The following EXOC4 variants were observed in gnomAD, a reference collection of about 807,000 sequenced individuals.
EXOC4 encodes SEC8-like 1.
A neutral mutation model predicts 107.2 loss-of-function variants in EXOC4; 71 were observed. The ratio of observed to expected loss-of-function variants is 0.66; its 90% confidence interval spans 0.55 to 0.81. The LOEUF (loss-of-function observed/expected upper bound fraction) is 0.81. Among genes scored for constraint, EXOC4 ranks in the 30% least tolerant of loss-of-function variants. The probability of loss-of-function intolerance (pLI) is 0.00; values close to 1 mark genes in which losing one functional copy is unlikely to be tolerated. For missense variants in EXOC4, 1,108 were observed against 1,189.6 expected, an observed-to-expected ratio of 0.93 and a Z score of 1.01; for synonymous variants, 456 against 441.2, an observed-to-expected ratio of 1.03 and a Z score of -0.42.
intron 8 of EXOC4, among the ~76,000 whole-genome samples, chr7:133,478,039 G>C (rs1450991408): frequency 2.0e-5 from 3 of 152,076 alleles, no homozygotes; most frequent in African/African-American, 7.2e-5. Flanking sequence ...GGCTATGCCA[G>C]CAAGCACAAA....
chr7:133,409,749 A>G (rs1797314585), intron 7 of EXOC4, among the ~76,000 whole-genome samples: 1 of 152,122 alleles, frequency 6.6e-6, no homozygotes, highest in South Asian at 2.1e-4. Context: ...GAAGAATGCT[A>G]CTATTGGCCA....
chr7:133,616,698 A>G (rs1035740616), intron 9 of EXOC4, among the ~76,000 whole-genome samples: 1 of 152,148 alleles, frequency 6.6e-6, no homozygotes, highest in African/African-American at 2.4e-5. Context: ...TGTCAGCTGC[A>G]AATGATACCA....
chr7:133,682,196 G>A (rs542732879), intron 10 of EXOC4, among the ~76,000 whole-genome samples: 1 of 152,106 alleles, frequency 6.6e-6, no homozygotes, highest in South Asian at 2.1e-4. Context: ...CCATGCCCAG[G>A]CAGCTATTAT....
At chr7:133,852,225 A>ATTT (rs5887646) in intron 11 of EXOC4, among the ~76,000 whole-genome samples, 26 of 141,796 alleles carry the variant, frequency 1.8e-4, no homozygotes, top group Non-Finnish European at 2.9e-4. Context: ...TGTATAGAGC[A>ATTT]TTTTTTTTTT....
At chr7:133,591,559 TGTGTGTGTGC>T (rs58487189) in intron 9 of EXOC4, among the ~76,000 whole-genome samples, 121,441 of 149,266 alleles carry the variant, frequency 0.81, 49,403 homozygotes, top group Admixed American at 0.86. Context: ...TGTGTGTGTG[TGTGTGTGTGC>T]GTGTGTGTGT....
At chr7:133,951,291 C>T (rs1198373993) in intron 14 of EXOC4, among the ~76,000 whole-genome samples, 1 of 152,204 alleles carries the variant, frequency 6.6e-6, no homozygotes, top group African/African-American at 2.4e-5. Flanking sequence ...TGGGCTTGTC[C>T]TTGGACAAGG....
At chr7:133,810,233 G>A (rs1199179474) in intron 10 of EXOC4, among the ~76,000 whole-genome samples, 1 of 152,184 alleles carries the variant, frequency 6.6e-6, no homozygotes, top group Non-Finnish European at 1.5e-5. Flanking sequence ...TTTCCAGCTG[G>A]TAGCAGCCAC....
At chr7:133,475,229 T>G in intron 7 of EXOC4, 99 bp from the exon 8 acceptor site, 1 of 1,036,724 alleles carries the variant, frequency 9.6e-7, no homozygotes, top group Non-Finnish European at 1.4e-6. Flanking sequence ...TCCTGAATGT[T>G]GGTTTTAGAA....
intron 12 of EXOC4, among the ~76,000 whole-genome samples, chr7:133,913,531 A>T (rs1799741374): frequency 6.6e-6 from 1 of 152,172 alleles, no homozygotes; most frequent in South Asian, 2.1e-4. Context: ...GATATTAAGG[A>T]GATAGAATTG....
intron 1 of EXOC4, among the ~76,000 whole-genome samples, chr7:133,263,669 T>TAATTAAAA (rs1793638087): frequency 6.6e-6 from 1 of 152,160 alleles, no homozygotes; most frequent in African/African-American, 2.4e-5. Flanking sequence ...TGAGCCACCG[T>TAATTAAAA]GCCTGGCCTA....
intron 6 of EXOC4, among the ~76,000 whole-genome samples, chr7:133,357,398 T>G (rs534023008): frequency 6.6e-6 from 1 of 152,224 alleles, no homozygotes; most frequent in Non-Finnish European, 1.5e-5. Flanking sequence ...GTCTTTCCTG[T>G]GTCTCATGCT....
At chr7:133,339,637 T>G (rs1259166582) in intron 5 of EXOC4, among the ~76,000 whole-genome samples, 1 of 152,244 alleles carries the variant, frequency 6.6e-6, no homozygotes, top group East Asian at 1.9e-4. Flanking sequence ...TGCTTATCCA[T>G]GAGCGTGGGA....
chr7:133,899,725 C>T (rs1799407088), intron 12 of EXOC4, among the ~76,000 whole-genome samples: 1 of 150,566 alleles, frequency 6.6e-6, no homozygotes, highest in Admixed American at 6.6e-5. Flanking sequence ...CCAGAGTATA[C>T]CCAGTGTTCC....
At chr7:133,757,992 C>T (rs942286383) in intron 10 of EXOC4, among the ~76,000 whole-genome samples, 5 of 152,100 alleles carry the variant, frequency 3.3e-5, no homozygotes, top group Admixed American at 6.5e-5. Flanking sequence ...AGAAGGATCA[C>T]ATTAATGGTT....
At chr7:133,256,365 GGCTATAGTTTTCCTGGTT>G (rs1795019742) in intron 1 of EXOC4, among the ~76,000 whole-genome samples, 1 of 152,152 alleles carries the variant, frequency 6.6e-6, no homozygotes, top group Non-Finnish European at 1.5e-5. Context: ...CTCTCCCAAA[GGCTATAGTTTTCCTGGTT>G]GCTTTGGCAA....
intron 9 of EXOC4, among the ~76,000 whole-genome samples, chr7:133,508,109 AT>A (rs537214822): frequency 9.4e-4 from 141 of 150,360 alleles, no homozygotes; most frequent in African/African-American, 3.3e-3. Context: ...AAATACACAG[AT>A]TTTTTTTTTA....
At chr7:133,301,367 G>C (rs1322953608) in intron 3 of EXOC4, among the ~76,000 whole-genome samples, 2 of 152,170 alleles carry the variant, frequency 1.3e-5, no homozygotes, top group Non-Finnish European at 2.9e-5. Flanking sequence ...TGTAGGAAGG[G>C]GGAAGGTATC....
At chr7:133,614,888 G>C (rs1163920414) in intron 9 of EXOC4, among the ~76,000 whole-genome samples, 1 of 150,528 alleles carries the variant, frequency 6.6e-6, no homozygotes, top group East Asian at 2.0e-4. Flanking sequence ...ACATACCAGA[G>C]GAATTAACAA....
At chr7:133,648,543 A>G (rs1211149027) in intron 10 of EXOC4, among the ~76,000 whole-genome samples, 1 of 152,184 alleles carries the variant, frequency 6.6e-6, no homozygotes, top group Non-Finnish European at 1.5e-5. Context: ...AATGTACGAT[A>G]TATTCCTTAG....
Sources: gnomAD v4.1 joint callset for allele counts (sites outside exome capture counted in the v4.1 genomes callset) on GRCh38, gnomAD v4.1.1 for gene constraint, MANE v1.5 for transcripts, NCBI Gene and HGNC (gene_info 2026-07-23, HGNC 2026-07-21) for gene names.